ENTPD4: variants seen among roughly 807,000 people sequenced by gnomAD.
ENTPD4 encodes the protein Golgi UDPase.
In ENTPD4, 60 loss-of-function variants were observed where a neutral mutation model predicts 79.1. The observed-to-expected ratio is 0.76, with a 90% CI of 0.62 to 0.94. ENTPD4 has a LOEUF of 0.94. Ranked by LOEUF, ENTPD4 falls within the 40% of genes least tolerant of loss-of-function variation. The pLI is 0.00. For synonymous variants in ENTPD4, 276 were observed against 292.0 expected (o/e 0.95, Z 0.56); for missense variants, 772 against 775.1 (o/e 1.00, Z 0.05).
In ENTPD4 at chr8:23,436,415, C is replaced by A. The variant is rs181582766; in HGVS notation, c.1374+519G>T. Among the ~76,000 whole-genome samples the A allele has an allele frequency of 2.0e-5, 3 of 152,054 alleles. No homozygotes were observed. The East Asian group carries it at 5.8e-4, about 30-fold the overall frequency. On this transcript the variant is annotated intron_variant, in intron 10 of 12. Transcript: ENST00000358689. ...AATGGAGAGAGGATGGTGGGTTTGTCTGGAGTTGTGGAATCTAGCAGGCAA... is the reference window on the plus strand; with the variant it reads ...AATGGAGAGAGGATGGTGGGTTTGTATGGAGTTGTGGAATCTAGCAGGCAA...
At chr8:23,441,442 G>C (rs535437095) in intron 8 of ENTPD4, 127 bp downstream of exon 8, 1 of 1,492,996 alleles carries the variant, frequency 6.7e-7, no homozygotes. Flanking sequence ...CTTTCTCCTG[G>C]GTTGAGAGGC....
intron 6 of ENTPD4, among the ~76,000 whole-genome samples, chr8:23,442,851 C>T (rs1320533220): frequency 6.6e-6 from 1 of 152,124 alleles, no homozygotes; most frequent in Non-Finnish European, 1.5e-5. Context: ...ACCTGCTCTA[C>T]TCTCTGCTAT....
intron 9 of ENTPD4, 117 bp from the exon 10 acceptor site, chr8:23,437,375 G>C (rs577418611): frequency 6.9e-5 from 49 of 706,602 alleles, no homozygotes; most frequent in Non-Finnish European, 9.3e-5. Context: ...CTGCAGGACC[G>C]TGTCTGTGGA....
At chr8:23,450,034 T>C in intron 1 of ENTPD4, 37 bp from the exon 2 acceptor site, 1 of 1,079,250 alleles carries the variant, frequency 9.3e-7, no homozygotes, top group Non-Finnish European at 1.4e-6. Flanking sequence ...AAAGATAGCA[T>C]CATCAAAGAA....
Position 23,439,896 on chromosome 8 carries a change from A to G in ENTPD4, c.902T>C (p.Leu301Ser). The G allele has an allele frequency of 6.2e-7, 1 of 1,614,178 alleles. No individual in the cohort carries two copies. Among genetic ancestry groups the G allele is most frequent in the Non-Finnish European group, 8.5e-7 (1 of 1,179,968 alleles). ...SSQQEEVAKN[L>S]LAEFNLGCDV... is the part of the protein sequence containing the mutation. ...ACATCCCAAGTTAAATTCAGCTAACAAGTTTTTAGCTACTTCTTCCTGCAG... is the reference window on the plus strand; with the variant it reads ...ACATCCCAAGTTAAATTCAGCTAACGAGTTTTTAGCTACTTCTTCCTGCAG... Residue 301 changes from leucine to serine, a missense_variant, in exon 9 of 13, where the codon TTG becomes TCG. Transcript: ENST00000358689.
Position 23,441,515 on chromosome 8 carries a change from C to T in ENTPD4, c.882+54G>A, listed in dbSNP as rs1800669371. 85 of 1,595,692 alleles carry T rather than the reference C, an allele frequency of 5.3e-5. No individual in the cohort carries two copies. In the South Asian group the frequency reaches 9.3e-4, roughly 17 times the overall value. On this transcript the variant is annotated intron_variant, in intron 8 of 12. Coordinates refer to ENST00000358689, the MANE Select transcript of ENTPD4 (RefSeq NM_004901.5). ...CAGAAAACAAAACAAGAACGATGGA[C>T]ACACGTTAAATGAAAACCAAACCAA... is the stretch of plus-strand genomic sequence containing the variant.
In ENTPD4 at chr8:23,443,957, T is replaced by C. The variant is rs1479922678; in HGVS notation, c.564-4A>G. On this transcript the variant is annotated splice_region_variant and splice_polypyrimidine_tract_variant and intron_variant, in intron 5 of 12. Transcript: ENST00000358689. ...TTCCAGAATAGCTTTCTGCTGGCTG[T>C]AAAGTAATAAAAACATTTACAAATC... is the stretch of plus-strand genomic sequence containing the variant. The C allele has an allele frequency of 6.3e-7, 1 of 1,582,662 alleles. No individual in the cohort carries two copies. The highest frequency in any genetic ancestry group is 8.7e-7 in the Non-Finnish European group (1 of 1,154,036).
At chr8:23,448,596 G>C in intron 3 of ENTPD4, 146 bp downstream of exon 3, 1 of 664,092 alleles carries the variant, frequency 1.5e-6, no homozygotes, top group South Asian at 1.9e-5. Flanking sequence ...CCTTGATCGT[G>C]GATTTCCCAA....
rs761352609 is a variant in ENTPD4, at chr8:23,447,867, G to T, written c.225C>A (p.Thr75=). ...KKFQRYLARV[T]DIEATDTNNP... ...TATTGGTGTCTGTAGCTTCAATGTC[G>T]GTAACTCGTGCCAGGTACCTTGTAT... The change falls in exon 4 of 13, where the codon ACC becomes ACA. Residue 75 remains threonine, a synonymous_variant. Coordinates refer to ENST00000358689, the MANE Select transcript of ENTPD4 (RefSeq NM_004901.5). 8.7e-6 allele frequency: 14 copies of T among 1,613,920 alleles called. No individual in the cohort carries two copies. Among genetic ancestry groups the T allele is most frequent in the Non-Finnish European group, 1.2e-5 (14 of 1,179,982 alleles).
chr8:23,430,323 T>C lies in ENTPD4; in HGVS notation c.*2603A>G, dbSNP rs993399105. ...TCTTGGTTTGTTTCAAAACTCATCT[T>C]GAAAATAATCTAGACGGAAAAATCC... is the stretch of plus-strand genomic sequence containing the variant. On this transcript the variant is annotated 3_prime_UTR_variant, in exon 13 of 13. Coordinates refer to ENST00000358689, the MANE Select transcript of ENTPD4 (RefSeq NM_004901.5). 1.0e-6 allele frequency: 1 copy of C among 985,454 alleles called. No individual in the cohort carries two copies. The highest frequency in any genetic ancestry group is 1.7e-5 in the African/African-American group (1 of 57,364). 61.0% of individuals were successfully genotyped at this position (985,454 alleles called of 1,614,324 possible).
intron 1 of ENTPD4, among the ~76,000 whole-genome samples, chr8:23,451,431 A>G (rs2117306049): frequency 6.6e-6 from 1 of 152,262 alleles, no homozygotes; most frequent in East Asian, 1.9e-4. Context: ...GCCTGCTCTA[A>G]AGAGCAGCCT....
In ENTPD4 at chr8:23,441,987, G is replaced by T. The variant is rs769069596; in HGVS notation, c.727+20C>A. On this transcript the variant is annotated intron_variant, in intron 7 of 12. Coordinates refer to ENST00000358689, the MANE Select transcript of ENTPD4 (RefSeq NM_004901.5). ...CACCAATTTCCAACTAGATACATTT[G>T]TTGGAACCATGACACTTACCATCTT... 1 of 1,604,664 alleles carries T rather than the reference G, an allele frequency of 6.2e-7. No individual in the cohort carries two copies. Among genetic ancestry groups the T allele is most frequent in the South Asian group, 1.1e-5 (1 of 90,762 alleles).
At position 23,429,330 on chromosome 8, in the gene ENTPD4, C is replaced by T. The variant is rs1800416189; in HGVS notation, c.*3596G>A. On this transcript the variant is annotated 3_prime_UTR_variant, in exon 13 of 13. Transcript: ENST00000358689. ...AAAAACATTTAAAGATGCTCCCTTG[C>T]TTTTTATAATTCCTAACTGTAAAAT... 2 of 985,130 alleles carry T rather than the reference C, an allele frequency of 2.0e-6. No individual in the cohort carries two copies. The highest frequency in any genetic ancestry group is 4.7e-5 in the South Asian group (1 of 21,286). 61.0% of individuals were successfully genotyped at this position (985,130 alleles called of 1,614,324 possible).
intron 1 of ENTPD4, among the ~76,000 whole-genome samples, chr8:23,450,710 ATTCTC>A (rs1192264927): frequency 3.3e-5 from 5 of 152,136 alleles, no homozygotes; most frequent in African/African-American, 1.2e-4. Flanking sequence ...GTCTAGCCTC[ATTCTC>A]TTCTAACTAC....
Position 23,432,631 on chromosome 8 carries a change from T to G in ENTPD4, c.*295A>C. On this transcript the variant is annotated 3_prime_UTR_variant, in exon 13 of 13. Transcript: ENST00000358689. ...CTCCTGCCTCAGCCTCCTGAGTAGC[T>G]GGGACTACGGGCGCCCGCCACCACA... is the stretch of plus-strand genomic sequence containing the variant. 2 of 655,742 alleles carry G rather than the reference T, an allele frequency of 3.0e-6. No individual in the cohort carries two copies. The highest frequency in any genetic ancestry group is 4.0e-6 in the Non-Finnish European group (2 of 494,764). The allele number at this position is 655,742 out of a possible 1,614,324, so 40.6% of individuals were successfully genotyped here. A position where few individuals can be genotyped will look rare whatever the true frequency, so the allele number is the denominator to read the frequency against.
chr8:23,437,806 T>G (rs1800598592), intron 9 of ENTPD4, among the ~76,000 whole-genome samples: 1 of 152,202 alleles, frequency 6.6e-6, no homozygotes, highest in Non-Finnish European at 1.5e-5. Context: ...TCAGTATTCT[T>G]TAAACAAAGA....
At chr8:23,437,287 A>G (rs764214605) in intron 9 of ENTPD4, 29 bp from the exon 10 acceptor site, 2 of 1,518,424 alleles carry the variant, frequency 1.3e-6, no homozygotes, top group South Asian at 2.6e-5. Context: ...CTTCATCGTG[A>G]GTCCTACAGA....
chr8:23,441,790 C>A (rs1265055593), intron 7 of ENTPD4, 67 bp from the exon 8 acceptor site: 1 of 1,536,008 alleles, frequency 6.5e-7, no homozygotes, highest in African/African-American at 1.4e-5. Flanking sequence ...TCTGAAGAGT[C>A]ACCTTCTTTT....
At chr8:23,434,989 A>AT (rs1319524277) in intron 11 of ENTPD4, among the ~76,000 whole-genome samples, 8 of 152,224 alleles carry the variant, frequency 5.3e-5, no homozygotes, top group Admixed American at 5.2e-4. Context: ...ATGAAAGGGG[A>AT]TTTTTAAAAA....
Sources: gnomAD v4.1 joint callset for allele counts (sites outside exome capture counted in the v4.1 genomes callset) on GRCh38, gnomAD v4.1.1 for gene constraint, MANE v1.5 for transcripts, NCBI Gene and HGNC (gene_info 2026-07-23, HGNC 2026-07-21) for gene names.